Variants in ZNF407 observed in about 807,000 individuals in gnomAD.
ZNF407 encodes the protein zinc finger protein 407.
In ZNF407, 17 loss-of-function variants were observed where a neutral mutation model predicts 131.2. The observed-to-expected ratio is 0.13, with a 90% confidence interval of 0.09 to 0.19. The LOEUF is 0.19. Ranked by LOEUF, ZNF407 falls within the 10% of genes least tolerant of loss-of-function variation. ZNF407 has a pLI of 1.00. For synonymous variants in ZNF407, 1,156 were observed against 1,062.0 expected (o/e 1.09, Z -1.72); for missense variants, 2,681 against 2,830.6 (o/e 0.95, Z 1.20).
chr18:75,054,797 G>T (rs375275342), intron 8 of ZNF407, among the ~76,000 whole-genome samples: 3 of 152,222 alleles, frequency 2.0e-5, no homozygotes, highest in African/African-American at 7.2e-5. Flanking sequence ...CAGTAAGCAG[G>T]GGGGCGCTAT....
chr18:74,974,429 T>C (rs924648836), intron 8 of ZNF407, among the ~76,000 whole-genome samples: 1 of 152,186 alleles, frequency 6.6e-6, no homozygotes, highest in Non-Finnish European at 1.5e-5. Flanking sequence ...ACTGTTTAAT[T>C]GGCTGTTTGT....
chr18:74,851,750 A>G (rs1226656631), intron 4 of ZNF407, among the ~76,000 whole-genome samples: 1 of 152,242 alleles, frequency 6.6e-6, no homozygotes, highest in Non-Finnish European at 1.5e-5. Flanking sequence ...AAAAATCGCC[A>G]GAGGCCACAG....
chr18:75,053,730 G>A (rs1049884003), intron 8 of ZNF407, among the ~76,000 whole-genome samples: 10 of 152,244 alleles, frequency 6.6e-5, no homozygotes, highest in Non-Finnish European at 1.0e-4. Flanking sequence ...CAATGTCAGC[G>A]TCCAGTCCGC....
At chr18:75,032,235 C>T (rs1205356647) in intron 8 of ZNF407, among the ~76,000 whole-genome samples, 1 of 152,184 alleles carries the variant, frequency 6.6e-6, no homozygotes, top group African/African-American at 2.4e-5. Context: ...AGACTGCGAT[C>T]TGGGGGCTGT....
chr18:75,028,414 T>A (rs1190979832), intron 8 of ZNF407, among the ~76,000 whole-genome samples: 1 of 152,120 alleles, frequency 6.6e-6, no homozygotes, highest in Non-Finnish European at 1.5e-5. Flanking sequence ...TCACATTCGA[T>A]TAGGGCCCAC....
intron 3 of ZNF407, among the ~76,000 whole-genome samples, chr18:74,750,714 T>G (rs991064398): frequency 6.6e-6 from 1 of 152,144 alleles, no homozygotes; most frequent in Non-Finnish European, 1.5e-5. Flanking sequence ...AAATTTTCAG[T>G]TTTCTCGGGT....
chr18:74,613,150 C>T (rs1983137840), intron 1 of ZNF407, among the ~76,000 whole-genome samples: 1 of 152,178 alleles, frequency 6.6e-6, no homozygotes, highest in African/African-American at 2.4e-5. Flanking sequence ...TGTCCTCCCA[C>T]AAGATTCTGG....
At chr18:74,678,530 G>T (rs1966906187) in intron 3 of ZNF407, among the ~76,000 whole-genome samples, 1 of 152,096 alleles carries the variant, frequency 6.6e-6, no homozygotes, top group Non-Finnish European at 1.5e-5. Flanking sequence ...GAACCCTTAG[G>T]AAAAAGGCAG....
intron 7 of ZNF407, among the ~76,000 whole-genome samples, chr18:74,901,098 T>G (rs1971518670): frequency 6.6e-6 from 1 of 152,144 alleles, no homozygotes. Flanking sequence ...TAGGGTGCAT[T>G]ATAACTGCTG....
intron 3 of ZNF407, among the ~76,000 whole-genome samples, chr18:74,758,560 G>A (rs1240392377): frequency 1.3e-5 from 2 of 152,072 alleles, no homozygotes; most frequent in East Asian, 1.9e-4. Flanking sequence ...TAATTGGACA[G>A]GGAAAATAAT....
intron 1 of ZNF407, among the ~76,000 whole-genome samples, chr18:74,612,372 A>G (rs949685818): frequency 6.6e-6 from 1 of 152,186 alleles, no homozygotes; most frequent in Non-Finnish European, 1.5e-5. Flanking sequence ...GGATTTTGTT[A>G]TATTTTGCAC....
At position 74,903,896 on chromosome 18, in the gene ZNF407, G is replaced by A. The variant is rs147350047; in HGVS notation, c.5249+13858G>A. Among the ~76,000 whole-genome samples the A allele has an allele frequency of 3.0e-3, 451 of 152,244 alleles. 1 individual carries two copies. Among genetic ancestry groups the A allele is most frequent in the Middle Eastern group, 6.8e-3 (2 of 294 alleles). ...ATATCAACTTTGAAAAAATGTTTTGGTAGTCACATATGTTTGGGAGATACT... is the reference window on the plus strand; with the variant it reads ...ATATCAACTTTGAAAAAATGTTTTGATAGTCACATATGTTTGGGAGATACT... On this transcript the variant is annotated intron_variant, in intron 7 of 8. Transcript: ENST00000299687.
intron 2 of ZNF407, among the ~76,000 whole-genome samples, chr18:74,639,853 A>C (rs1249639444): frequency 6.6e-6 from 1 of 151,936 alleles, no homozygotes; most frequent in African/African-American, 2.4e-5. Flanking sequence ...GAGTGCTTCA[A>C]TTTCAACAAA....
At position 74,631,524 on chromosome 18, in the gene ZNF407, C is replaced by A. The variant is rs374577893; in HGVS notation, c.505C>A (p.Pro169Thr). 1 of 1,613,760 alleles carries A rather than the reference C, an allele frequency of 6.2e-7. No homozygotes were observed. The highest frequency in any genetic ancestry group is 1.7e-5 in the Admixed American group (1 of 60,012). ...TGATCTGGAAAGAGAATCTCCTTTCCCCCCGAAAGAAATTAGTGTTAGTTG... is the reference window on the plus strand; with the variant it reads ...TGATCTGGAAAGAGAATCTCCTTTCACCCCGAAAGAAATTAGTGTTAGTTG... The part of the protein sequence containing the change: ...SLDLERESPF[P>T]PKEISVSCTI... The change falls in exon 2 of 9, where the codon CCC (proline) becomes ACC (threonine). Residue 169 changes from proline (P) to threonine (T), a missense_variant. Physicochemically the swap from Pro to Thr is conservative, Grantham distance 38. Transcript: ENST00000299687.
At chr18:74,714,898 G>T (rs550406368) in intron 3 of ZNF407, among the ~76,000 whole-genome samples, 1 of 151,990 alleles carries the variant, frequency 6.6e-6, no homozygotes, top group Non-Finnish European at 1.5e-5. Context: ...GCTTTTTCTT[G>T]CATAAATCTC....
At chr18:74,812,205 A>G (rs1401925732) in intron 4 of ZNF407, among the ~76,000 whole-genome samples, 2 of 152,036 alleles carry the variant, frequency 1.3e-5, no homozygotes, top group African/African-American at 4.8e-5. Flanking sequence ...TCCACTTAGG[A>G]TTTGTGAGAT....
At chr18:74,750,573 C>T (rs1430391005) in intron 3 of ZNF407, among the ~76,000 whole-genome samples, 1 of 152,158 alleles carries the variant, frequency 6.6e-6, no homozygotes, top group Non-Finnish European at 1.5e-5. Context: ...ACTAATACTG[C>T]ATTGTGTGGA....
At chr18:74,960,657 G>GGA (rs1972330847) in intron 8 of ZNF407, among the ~76,000 whole-genome samples, 1 of 130,234 alleles carries the variant, frequency 7.7e-6, no homozygotes, top group African/African-American at 3.5e-5. Context: ...CTGAGTCAGT[G>GGA]CTGGGTGGAG....
At chr18:74,918,734 T>C (rs1971807175) in intron 7 of ZNF407, among the ~76,000 whole-genome samples, 1 of 152,080 alleles carries the variant, frequency 6.6e-6, no homozygotes, top group South Asian at 2.1e-4. Context: ...GGTGTTATTG[T>C]TATTTTAATT....
Sources: allele counts gnomAD v4.1 joint callset (sites outside exome capture counted in the v4.1 genomes callset), GRCh38; gene constraint gnomAD v4.1.1; transcripts MANE v1.5; gene names NCBI Gene and HGNC (gene_info 2026-07-23, HGNC 2026-07-21).